MAP7: variants seen among roughly 807,000 people sequenced by gnomAD.
The protein encoded by MAP7 is microtubule associated protein 7, also known as ensconsin.
MAP7 carries 52 observed loss-of-function variants against 94.8 expected under a neutral mutation model. The ratio of observed to expected loss-of-function variants is 0.55; its 90% CI spans 0.44 to 0.69. The LOEUF is 0.69. MAP7 is among the 30% of genes least tolerant of loss of function. The probability of loss-of-function intolerance (pLI) is 0.00; values close to 1 mark genes in which losing one functional copy is unlikely to be tolerated. For synonymous variants in MAP7, 350 were observed against 357.0 expected, an observed-to-expected ratio of 0.98 and a Z score of 0.22; for missense variants, 940 against 964.6, an observed-to-expected ratio of 0.97 and a Z score of 0.34.
At position 136,358,685 on chromosome 6, in the gene MAP7, C is replaced by A. The variant is rs1356340084; in HGVS notation, c.1912+1135G>T. On this transcript the variant is annotated intron_variant, in intron 15 of 17. Coordinates refer to ENST00000354570, the MANE Select transcript of MAP7 (RefSeq NM_003980.6). ...GATCTTTGAGCAAAAGGTATTCCAG[C>A]CTTTGCTTTTGTTTGTAAACAGAAA... Among the ~76,000 whole-genome samples the A allele has an allele frequency of 2.6e-5, 4 of 152,180 alleles. No homozygotes were observed. In the East Asian group the frequency reaches 7.7e-4, roughly 29 times the overall value.
At position 136,389,395 on chromosome 6, in the gene MAP7, C is replaced by A. The variant is rs1227909637; in HGVS notation, c.367G>T (p.Ala123Ser). 1.3e-6 allele frequency: 2 copies of A among 1,576,692 alleles called. No individual in the cohort carries two copies. The highest frequency in any genetic ancestry group is 1.2e-5 in the South Asian group (1 of 84,740). ...CTCTGCCTCCGCTTCTCCTCCACAGCAGCCCTCCTCCGCTCCTCCTTCTGC... is the reference window on the plus strand; with the variant it reads ...CTCTGCCTCCGCTTCTCCTCCACAGAAGCCCTCCTCCGCTCCTCCTTCTGC... ...QRQKEERRRAAVEEKRRQRLE... is the reference protein window; with the variant it reads ...QRQKEERRRASVEEKRRQRLE... Residue 123 changes from alanine (A) to serine (S), a missense_variant, in exon 4 of 18, where the codon GCT (alanine) becomes TCT (serine). Coordinates refer to ENST00000354570, the MANE Select transcript of MAP7 (RefSeq NM_003980.6).
At chr6:136,466,374 C>T (rs1367457684) in intron 1 of MAP7, among the ~76,000 whole-genome samples, 1 of 151,858 alleles carries the variant, frequency 6.6e-6, no homozygotes, top group Non-Finnish European at 1.5e-5. Flanking sequence ...TTTTTTTGGA[C>T]AGCAGCATAA....
At chr6:136,344,533 T>C (rs1199966583) in intron 17 of MAP7, among the ~76,000 whole-genome samples, 1 of 152,234 alleles carries the variant, frequency 6.6e-6, no homozygotes, top group East Asian at 1.9e-4. Flanking sequence ...TCATTTCTCT[T>C]GTATCCTCAG....
intron 2 of MAP7, among the ~76,000 whole-genome samples, chr6:136,412,496 G>C (rs532943068): frequency 6.6e-6 from 1 of 152,310 alleles, no homozygotes; most frequent in African/African-American, 2.4e-5. Flanking sequence ...AGGAAATGAA[G>C]GGGATTATGA....
At chr6:136,491,904 C>T (rs1021980680) in intron 1 of MAP7, among the ~76,000 whole-genome samples, 1 of 152,080 alleles carries the variant, frequency 6.6e-6, no homozygotes, top group Non-Finnish European at 1.5e-5. Flanking sequence ...AAATAGTCAC[C>T]CAGAGCTACT....
At chr6:136,403,535 C>T (rs1032242027) in intron 3 of MAP7, among the ~76,000 whole-genome samples, 2 of 152,188 alleles carry the variant, frequency 1.3e-5, no homozygotes, top group Non-Finnish European at 2.9e-5. Context: ...GAACACCTTC[C>T]AAAGACCACA....
chr6:136,469,388 C>T (rs2128933593), intron 1 of MAP7, among the ~76,000 whole-genome samples: 1 of 148,690 alleles, frequency 6.7e-6, no homozygotes, highest in East Asian at 2.1e-4. Flanking sequence ...CTCTCTCTTT[C>T]TCTCTTTTTC....
At chr6:136,472,468 C>T (rs1324442769) in intron 1 of MAP7, among the ~76,000 whole-genome samples, 1 of 152,124 alleles carries the variant, frequency 6.6e-6, no homozygotes, top group Non-Finnish European at 1.5e-5. Flanking sequence ...ACACATTATC[C>T]ATATGTGTAA....
chr6:136,346,390 C>T (rs530339625), intron 16 of MAP7, among the ~76,000 whole-genome samples: 86 of 152,154 alleles, frequency 5.7e-4, no homozygotes, highest in African/African-American at 2.0e-3. Context: ...TAGCAAGACC[C>T]CCGTCTCTAC....
chr6:136,538,010 G>A (rs571109329), intron 1 of MAP7, among the ~76,000 whole-genome samples: 2 of 152,284 alleles, frequency 1.3e-5, no homozygotes, highest in Admixed American at 6.5e-5. Context: ...TCGAACTCCC[G>A]ACCTCGGGTG....
At chr6:136,351,828 C>T (rs190790340) in intron 16 of MAP7, among the ~76,000 whole-genome samples, 185 of 152,288 alleles carry the variant, frequency 1.2e-3, no homozygotes, top group Non-Finnish European at 2.1e-3. Flanking sequence ...GACACTGCAG[C>T]AGAGTTTTGC....
intron 1 of MAP7, chr6:136,526,668 G>C: frequency 1.0e-6 from 1 of 985,530 alleles, no homozygotes; most frequent in Non-Finnish European, 1.2e-6. Flanking sequence ...GATGGGAGGA[G>C]AAAGAGTTTT....
intron 3 of MAP7, among the ~76,000 whole-genome samples, chr6:136,395,153 C>G (rs1342229933): frequency 6.6e-6 from 1 of 151,232 alleles, no homozygotes; most frequent in African/African-American, 2.4e-5. Flanking sequence ...ATACTGTCTT[C>G]CATAGCGGCT....
chr6:136,474,106 G>A (rs955244392), intron 1 of MAP7, among the ~76,000 whole-genome samples: 1 of 151,978 alleles, frequency 6.6e-6, no homozygotes, highest in African/African-American at 2.4e-5. Context: ...GATGAGTAAG[G>A]GCAAAGACCC....
chr6:136,428,534 T>C (rs1189001039), intron 1 of MAP7, among the ~76,000 whole-genome samples: 1 of 151,776 alleles, frequency 6.6e-6, no homozygotes, highest in African/African-American at 2.4e-5. Flanking sequence ...AATAAATAAA[T>C]AAATAAATAA....
At chr6:136,548,884 T>C (rs561266291) in intron 1 of MAP7, among the ~76,000 whole-genome samples, 4 of 152,360 alleles carry the variant, frequency 2.6e-5, no homozygotes, top group South Asian at 4.1e-4. Flanking sequence ...GGGCCCTCAC[T>C]TGGGGGAGCC....
chr6:136,346,890 C>G (rs191286939), intron 16 of MAP7, among the ~76,000 whole-genome samples: 2 of 152,162 alleles, frequency 1.3e-5, no homozygotes, highest in Non-Finnish European at 2.9e-5. Context: ...TAAGCCATTT[C>G]GCACACTTTC....
chr6:136,505,178 G>T (rs1821002831), intron 1 of MAP7, among the ~76,000 whole-genome samples: 1 of 148,372 alleles, frequency 6.7e-6, no homozygotes, highest in Non-Finnish European at 1.5e-5. Flanking sequence ...AATAAGCTGA[G>T]TTCGCAAGCC....
At chr6:136,372,237 G>A (rs1774735115) in intron 8 of MAP7, among the ~76,000 whole-genome samples, 1 of 152,126 alleles carries the variant, frequency 6.6e-6, no homozygotes, top group Non-Finnish European at 1.5e-5. Context: ...AGGAGGGTAG[G>A]GCGTCCACTC....
Sources: allele counts gnomAD v4.1 joint callset (sites outside exome capture counted in the v4.1 genomes callset), GRCh38; gene constraint gnomAD v4.1.1; transcripts MANE v1.5; gene names NCBI Gene and HGNC (gene_info 2026-07-23, HGNC 2026-07-21).